Variants in DDX52 observed in about 807,000 individuals in gnomAD.
The protein encoded by DDX52 is DExD-box helicase 52, also known as probable ATP-dependent RNA helicase DDX52.
DDX52 carries 59 observed loss-of-function variants against 76.1 expected under a neutral mutation model. That is an observed-to-expected ratio of 0.78 (90% confidence interval 0.63 to 0.96). DDX52 has a LOEUF of 0.96. DDX52 is among the 40% of genes least tolerant of loss of function. DDX52 has a pLI of 0.00. For missense variants in DDX52, 707 were observed against 703.9 expected (o/e 1.00, Z -0.05); for synonymous variants, 231 against 244.1 (o/e 0.95, Z 0.50).
chr17:37,618,223 A>T, intron 14 of DDX52, 69 bp downstream of exon 14: 1 of 1,241,070 alleles, frequency 8.1e-7, no homozygotes, highest in Non-Finnish European at 1.1e-6. Context: ...AAATTTACCT[A>T]AGGAAAAATA....
At chr17:37,628,449 A>T in intron 6 of DDX52, 112 bp downstream of exon 6, 1 of 898,282 alleles carries the variant, frequency 1.1e-6, no homozygotes. Flanking sequence ...CTAAAATTCA[A>T]ATTTTATACA....
intron 2 of DDX52, chr17:37,635,544 A>G: frequency 2.2e-6 from 1 of 451,534 alleles, no homozygotes; most frequent in South Asian, 1.6e-5. Context: ...ATGTATCAAC[A>G]ACTTACCGTT....
At chr17:37,617,999 CAGCT>C (rs1485338464) in intron 14 of DDX52, among the ~76,000 whole-genome samples, 2 of 151,948 alleles carry the variant, frequency 1.3e-5, no homozygotes, top group African/African-American at 4.8e-5. Flanking sequence ...CCTGTAATCC[CAGCT>C]ATTTGGGATG....
chr17:37,639,000 G>C (rs111696024), intron 2 of DDX52, among the ~76,000 whole-genome samples: 17 of 152,002 alleles, frequency 1.1e-4, no homozygotes, highest in African/African-American at 4.1e-4. Flanking sequence ...TCAAACTCCC[G>C]ACCTCAAGTG....
At chr17:37,635,124 CAAGCAAAGACTAGTTCTACA>C (rs992068460) in intron 2 of DDX52, among the ~76,000 whole-genome samples, 7 of 151,940 alleles carry the variant, frequency 4.6e-5, no homozygotes, top group African/African-American at 1.2e-4. Context: ...TTAAGTTTAA[CAAGCAAAGACTAGTTCTACA>C]AAGCAAAGAC....
At chr17:37,640,360 A>G (rs926814381) in intron 2 of DDX52, among the ~76,000 whole-genome samples, 1 of 152,198 alleles carries the variant, frequency 6.6e-6, no homozygotes, top group African/African-American at 2.4e-5. Context: ...TCCAAGATAC[A>G]TTGTTTTTAA....
chr17:37,618,473 C>G, intron 13 of DDX52, 89 bp from the exon 14 acceptor site: 1 of 1,091,900 alleles, frequency 9.2e-7, no homozygotes, highest in Non-Finnish European at 1.3e-6. Context: ...TCCTTGATCA[C>G]AAAATTCATT....
chr17:37,624,966 C>T (rs1032309053), intron 8 of DDX52, among the ~76,000 whole-genome samples: 9 of 151,870 alleles, frequency 5.9e-5, no homozygotes, highest in Non-Finnish European at 8.8e-5. Flanking sequence ...TGTTTAATTT[C>T]CCATTGAAAT....
chr17:37,621,583 T>C (rs1437928987), intron 9 of DDX52, 63 bp from the exon 10 acceptor site: 5 of 1,533,786 alleles, frequency 3.3e-6, no homozygotes, highest in Non-Finnish European at 4.4e-6. Flanking sequence ...CATTATTTCA[T>C]AATTTGATTG....
chr17:37,619,749 G>A lies in DDX52; in HGVS notation c.1649+19C>T, dbSNP rs1279048664. ...ATACAAAGAGACAGACAAAGATACA[G>A]GTAAATTCAAGATTGTACCTTAGTA... is the stretch of plus-strand genomic sequence containing the variant. On this transcript the variant is annotated intron_variant, in intron 13 of 14. Coordinates refer to ENST00000617633, the MANE Select transcript of DDX52 (RefSeq NM_007010.5). The A allele has an allele frequency of 6.3e-7, 1 of 1,597,840 alleles. No individual in the cohort carries two copies. The highest frequency in any genetic ancestry group is 1.1e-5 in the South Asian group (1 of 88,726).
At chr17:37,633,518 T>C (rs771209684) in intron 2 of DDX52, 100 bp from the exon 3 acceptor site, 5 of 983,054 alleles carry the variant, frequency 5.1e-6, no homozygotes, top group African/African-American at 3.4e-5. Context: ...CAAGGGTGGG[T>C]GGTGGTGCAA....
At chr17:37,633,550 G>C in intron 2 of DDX52, 132 bp from the exon 3 acceptor site, 2 of 588,766 alleles carry the variant, frequency 3.4e-6, no homozygotes, top group Non-Finnish European at 4.8e-6. Context: ...CAGCTACTTA[G>C]GAGGCTGAGT....
At chr17:37,639,479 T>C in intron 2 of DDX52, 1 of 998,678 alleles carries the variant, frequency 1.0e-6, no homozygotes, top group Non-Finnish European at 1.2e-6. Context: ...GGCTCACATC[T>C]GTAATCCCAG....
Position 37,610,999 on chromosome 17 carries a change from C to G in DDX52, c.*3297G>C, listed in dbSNP as rs1364648445. ...ATACTTTAAACAGACACAATAAAGTCAAGGATCATAGATGTGACCTCAGTT... is the reference window on the plus strand; with the variant it reads ...ATACTTTAAACAGACACAATAAAGTGAAGGATCATAGATGTGACCTCAGTT... On this transcript the variant is annotated 3_prime_UTR_variant, in exon 15 of 15. Transcript: ENST00000617633. The G allele has an allele frequency of 6.6e-6, 1 of 152,220 alleles. No homozygotes were observed. The highest frequency in any genetic ancestry group is 1.5e-5 in the Non-Finnish European group (1 of 68,042). 9.4% of individuals were successfully genotyped at this position (152,220 alleles called of 1,614,324 possible).
At position 37,614,018 on chromosome 17, in the gene DDX52, C is replaced by G. The variant is rs2064396494; in HGVS notation, c.*278G>C. ...CAGCTTGTGCCTGTAATCTCAGTTA[C>G]TCAGGAGGCTAAGGCAGGAGGATTG... is the stretch of plus-strand genomic sequence containing the variant. On this transcript the variant is annotated 3_prime_UTR_variant, in exon 15 of 15. Coordinates refer to ENST00000617633, the MANE Select transcript of DDX52 (RefSeq NM_007010.5). 1 of 334,798 alleles carries G rather than the reference C, an allele frequency of 3.0e-6. No homozygotes were observed. The highest frequency in any genetic ancestry group is 7.5e-5 in the South Asian group (1 of 13,318). The allele number at this position is 334,798 out of a possible 1,614,324, so 20.7% of individuals were successfully genotyped here. A position where few individuals can be genotyped will look rare whatever the true frequency, so the allele number is the denominator to read the frequency against.
intron 9 of DDX52, 106 bp downstream of exon 9, chr17:37,624,238 C>T (rs936532844): frequency 5.8e-5 from 41 of 710,470 alleles, no homozygotes; most frequent in Middle Eastern, 8.5e-4. Context: ...TTACTGAATA[C>T]GAGCCAAGAT....
At chr17:37,618,656 T>G (rs1323406921) in intron 13 of DDX52, among the ~76,000 whole-genome samples, 6 of 152,094 alleles carry the variant, frequency 3.9e-5, no homozygotes, top group African/African-American at 1.4e-4. Flanking sequence ...TAAATTTTTT[T>G]TTGTATTTTA....
Position 37,625,983 on chromosome 17 carries a change from C to T in DDX52, c.1048G>A (p.Ala350Thr), listed in dbSNP as rs2030351540. 1.9e-6 allele frequency: 3 copies of T among 1,614,188 alleles called. No homozygotes were observed. The highest frequency in any genetic ancestry group is 2.5e-6 in the Non-Finnish European group (3 of 1,180,036). ...TATGCAAAAGTTGCACTGAACATAG[C>T]TCTTCGGACCTTGTGGGATGTGCAG... ...LACTSHKVRRAMFSATFAYDV... is the reference protein window; with the variant it reads ...LACTSHKVRRTMFSATFAYDV... Residue 350 changes from alanine (A) to threonine (T), a missense_variant, in exon 8 of 15, where the codon GCT becomes ACT. By Grantham distance (58) the Ala-to-Thr change is moderately conservative. Coordinates refer to ENST00000617633, the MANE Select transcript of DDX52 (RefSeq NM_007010.5).
rs991947164 is a variant in DDX52, at chr17:37,609,821, CTTTGAT to C, written c.*4469_*4474del. On this transcript the variant is annotated 3_prime_UTR_variant, in exon 15 of 15. Transcript: ENST00000617633. ...AAGAACAGATAGGTCCTGAAGGGCCCTTTGATAGTCTCGCAGCACTGATGAGTGATC... is the reference window on the plus strand; with the variant it reads ...AAGAACAGATAGGTCCTGAAGGGCCCAGTCTCGCAGCACTGATGAGTGATC... 2 of 154,120 alleles carry C rather than the reference CTTTGAT, an allele frequency of 1.3e-5. No homozygotes were observed. Among genetic ancestry groups the C allele is most frequent in the African/African-American group, 4.8e-5 (2 of 41,526 alleles). 9.5% of individuals were successfully genotyped at this position (154,120 alleles called of 1,614,324 possible).
Sources: allele counts gnomAD v4.1 joint callset (sites outside exome capture counted in the v4.1 genomes callset), GRCh38; gene constraint gnomAD v4.1.1; transcripts MANE v1.5; gene names NCBI Gene and HGNC (gene_info 2026-07-23, HGNC 2026-07-21).